Variants in C17orf78 observed in about 807,000 individuals in gnomAD.
C17orf78 encodes the protein chromosome 17 open reading frame 78.
In C17orf78, 27 loss-of-function variants were observed where a neutral mutation model predicts 31.8. The observed-to-expected ratio is 0.85, with a 90% CI of 0.63 to 1.17. The LOEUF (loss-of-function observed/expected upper bound fraction) is 1.17, where lower values mean the gene tolerates loss of function less well. Among genes scored for constraint, C17orf78 ranks in the 50% most tolerant of loss-of-function variants. The pLI, the probability that C17orf78 is intolerant of heterozygous loss-of-function variation, is 0.00. For missense variants in C17orf78, 258 were observed against 315.2 expected (o/e 0.82, Z 1.37); for synonymous variants, 106 against 115.1 (o/e 0.92, Z 0.51).
chr17:37,380,911 T>A (rs1229093623), intron 3 of C17orf78, among the ~76,000 whole-genome samples: 11 of 151,742 alleles, frequency 7.2e-5, no homozygotes, highest in South Asian at 4.2e-4. Context: ...TTTTTTTTTT[T>A]TAATTTCATT....
intron 3 of C17orf78, 71 bp downstream of exon 3, chr17:37,379,453 C>A (rs931408871): frequency 6.7e-7 from 1 of 1,496,114 alleles, no homozygotes. Context: ...GCCAGAACTC[C>A]GTAGCAGGAA....
Position 37,376,143 on chromosome 17 carries a change from C to A in C17orf78, c.51C>A (p.Asn17Lys). 1 of 1,610,780 alleles carries A rather than the reference C, an allele frequency of 6.2e-7. No homozygotes were observed. Among genetic ancestry groups the A allele is most frequent in the South Asian group, 1.1e-5 (1 of 91,018 alleles). Residue 17 changes from asparagine (N) to lysine (K), a missense_variant, in exon 1 of 7, where the codon AAC (asparagine) becomes AAA (lysine). Transcript: ENST00000615133. Reference sequence around the variant, plus strand: ...TAATCATTGCATCCTATGATGCCAACAAGAAAGGTATGTAATTCTCTAGCC... The same window carrying A: ...TAATCATTGCATCCTATGATGCCAAAAAGAAAGGTATGTAATTCTCTAGCC... ...FSLIIASYDANKKDLRDSSCR... is the reference protein window; with the variant it reads ...FSLIIASYDAKKKDLRDSSCR...
intron 1 of C17orf78, 134 bp downstream of exon 1, chr17:37,376,284 C>A: frequency 1.4e-6 from 1 of 691,038 alleles, no homozygotes; most frequent in Non-Finnish European, 2.5e-6. Context: ...TCCCATGTAT[C>A]CACTCGCCTC....
chr17:37,380,076 C>G (rs2050179452), intron 3 of C17orf78, among the ~76,000 whole-genome samples: 3 of 151,740 alleles, frequency 2.0e-5, no homozygotes, highest in Admixed American at 2.0e-4. Flanking sequence ...ACATATACAC[C>G]ATGGAATACT....
At chr17:37,383,297 G>A (rs1714986) in intron 3 of C17orf78, among the ~76,000 whole-genome samples, 17,777 of 152,092 alleles carry the variant, frequency 0.12, 1,217 homozygotes, top group East Asian at 0.25. Context: ...GAGGGGTTAA[G>A]GGGGAGGAGA....
intron 1 of C17orf78, 55 bp downstream of exon 1, chr17:37,376,205 A>G (rs1400990144): frequency 6.9e-7 from 1 of 1,451,428 alleles, no homozygotes; most frequent in Non-Finnish European, 9.7e-7. Flanking sequence ...GCCTAGAAAG[A>G]GTTTCGGGGT....
Position 37,391,827 on chromosome 17 carries a change from C to A in C17orf78, c.*103C>A. 1.9e-6 allele frequency: 2 copies of A among 1,046,176 alleles called. No individual in the cohort carries two copies. The highest frequency in any genetic ancestry group is 2.9e-6 in the Non-Finnish European group (2 of 681,654). The allele number at this position is 1,046,176 out of a possible 1,614,324, so 64.8% of individuals were successfully genotyped here. On this transcript the variant is annotated 3_prime_UTR_variant, in exon 7 of 7. Transcript: ENST00000615133. Reference sequence around the variant, plus strand: ...TTCACACTTGTATCTTCAGCAGGGACATTACAATCAAACACCAATTCCTGG... The same window carrying A: ...TTCACACTTGTATCTTCAGCAGGGAAATTACAATCAAACACCAATTCCTGG...
intron 3 of C17orf78, 27 bp from the exon 4 acceptor site, chr17:37,385,982 T>C: frequency 6.9e-7 from 1 of 1,450,646 alleles, no homozygotes; most frequent in South Asian, 1.3e-5. Flanking sequence ...TCCCCTAAAG[T>C]TTCATCTTTT....
chr17:37,389,756 C>G lies in C17orf78; in HGVS notation c.750+394C>G, dbSNP rs1004000003. Among the ~76,000 whole-genome samples the G allele has an allele frequency of 3.3e-5, 5 of 151,730 alleles. No homozygotes were observed. The East Asian group carries it at 9.7e-4, about 29-fold the overall frequency. On this transcript the variant is annotated intron_variant, in intron 6 of 6. Transcript: ENST00000615133. ...TATATAAGTGCTAGGAGATTCGTCC[C>G]TAAGAGGACTGTGAAAAAATATTTT...
At chr17:37,381,878 T>C (rs140941681) in intron 3 of C17orf78, among the ~76,000 whole-genome samples, 6,320 of 151,368 alleles carry the variant, frequency 0.042, 342 homozygotes, top group African/African-American at 0.12. Context: ...CTGCCCGCCT[T>C]GGCCTCCCAA....
chr17:37,376,222 C>A, intron 1 of C17orf78, 72 bp downstream of exon 1: 1 of 1,287,222 alleles, frequency 7.8e-7, no homozygotes. Context: ...GGGTCTCTTC[C>A]ACCAGATAGA....
In C17orf78 at chr17:37,376,014, AG is replaced by A; in HGVS notation, c.-78del. ...CTTGGTTCCAGCTGCGTGTGGTGAA[AG>A]CAACTAGAGGCAGAGCTATCAAGGG... is the stretch of plus-strand genomic sequence containing the variant. On this transcript the variant is annotated 5_prime_UTR_variant, in exon 1 of 7. Transcript: ENST00000615133. 7.9e-7 allele frequency: 1 copy of A among 1,269,900 alleles called. No homozygotes were observed. Among genetic ancestry groups the A allele is most frequent in the Non-Finnish European group, 1.1e-6 (1 of 873,820 alleles). 78.7% of individuals were successfully genotyped at this position (1,269,900 alleles called of 1,614,324 possible).
At chr17:37,380,050 AT>A (rs1251492848) in intron 3 of C17orf78, among the ~76,000 whole-genome samples, 1 of 151,720 alleles carries the variant, frequency 6.6e-6, no homozygotes, top group Non-Finnish European at 1.5e-5. Context: ...GATAGACTGG[AT>A]TAAGAAAATG....
At position 37,391,206 on chromosome 17, in the gene C17orf78, G is replaced by C. The variant is rs571230331; in HGVS notation, c.751-441G>C. 9.2e-5 allele frequency among the ~76,000 whole-genome samples: 14 copies of C among 152,218 alleles called. No homozygotes were observed. In the East Asian group the frequency reaches 2.7e-3, roughly 29 times the overall value. ...TGAGCTGAGATCACACCACTGCACT[G>C]CAGCCTCGGTGACAGAGCGAGACTC... On this transcript the variant is annotated intron_variant, in intron 6 of 6. Transcript: ENST00000615133.
rs368823062 is a variant in C17orf78, at chr17:37,379,116, A to G, written c.146-21A>G. ...AAAACAAAACCAGCTCCATTTTTCT[A>G]TCTGGTTCTTCTCCTTCCAGAAACT... On this transcript the variant is annotated intron_variant, in intron 2 of 6. Coordinates refer to ENST00000615133, the MANE Select transcript of C17orf78 (RefSeq NM_173625.5). 127 of 1,600,732 alleles carry G rather than the reference A, an allele frequency of 7.9e-5. No homozygotes were observed. The African/African-American group carries it at 1.4e-3, about 17-fold the overall frequency.
intron 6 of C17orf78, among the ~76,000 whole-genome samples, chr17:37,390,142 A>ATG: frequency 1.4e-4 from 1 of 7,216 alleles, no homozygotes; most frequent in Admixed American, 3.1e-3. Context: ...AAAAAAAAGT[A>ATG]TATATATATA....
Position 37,391,983 on chromosome 17 carries a change from T to C in C17orf78, c.*259T>C. On this transcript the variant is annotated 3_prime_UTR_variant, in exon 7 of 7. Transcript: ENST00000615133. The stretch of plus-strand genomic sequence containing the variant: ...CATCCCCTCAAACGAGAACAAAAAG[T>C]ATTCCCTGCAAGCACTATGAATGGA... The C allele has an allele frequency of 4.1e-6, 2 of 489,124 alleles. No individual in the cohort carries two copies. The highest frequency in any genetic ancestry group is 6.8e-5 in the South Asian group (2 of 29,458). 30.3% of individuals were successfully genotyped at this position (489,124 alleles called of 1,614,324 possible). A position where few individuals can be genotyped will look rare whatever the true frequency, so the allele number is the denominator to read the frequency against.
rs2050515859 is a variant in C17orf78, at chr17:37,386,076, C to T, written c.459C>T (p.Ala153=). Reference sequence around the variant, plus strand: ...CATCAGAGACTTTTCCCACCACTGCCCCTTCTATAACTCCTGGGAATAAAG... The same window carrying T: ...CATCAGAGACTTTTCCCACCACTGCTCCTTCTATAACTCCTGGGAATAAAG... ...GASSETFPTT[A]PSITPGNKEG... is the part of the protein sequence containing the mutation. Residue 153 remains alanine (A), a synonymous_variant, in exon 4 of 7, where the codon GCC becomes GCT. Transcript: ENST00000615133. The T allele has an allele frequency of 1.9e-6, 3 of 1,603,020 alleles. No homozygotes were observed. In the African/African-American group the frequency reaches 4.0e-5, roughly 21 times the overall value.
chr17:37,389,484 G>T (rs2050695254), intron 6 of C17orf78, 122 bp downstream of exon 6: 33 of 1,372,990 alleles, frequency 2.4e-5, no homozygotes, highest in Non-Finnish European at 3.1e-5. Context: ...ATCACCTGAG[G>T]TGATCGAGAC....
Sources: allele counts gnomAD v4.1 joint callset (sites outside exome capture counted in the v4.1 genomes callset), GRCh38; gene constraint gnomAD v4.1.1; transcripts MANE v1.5; gene names NCBI Gene and HGNC (gene_info 2026-07-23, HGNC 2026-07-21).